Variants in SLC17A4 observed in about 807,000 individuals in gnomAD.
The protein encoded by SLC17A4 is probable small intestine urate exporter.
In SLC17A4, 33 loss-of-function variants were observed where a neutral mutation model predicts 52.5. The observed-to-expected ratio is 0.63, with a 90% CI of 0.48 to 0.84. SLC17A4 has a LOEUF of 0.84. Among genes scored for constraint, SLC17A4 ranks in the 40% least tolerant of loss-of-function variants. The pLI is 0.00. For synonymous variants in SLC17A4, 225 were observed against 216.2 expected (o/e 1.04, Z -0.36); for missense variants, 585 against 597.1 (o/e 0.98, Z 0.21).
chr6:25,771,922 C>T (rs2151446399), intron 6 of SLC17A4, among the ~76,000 whole-genome samples: 1 of 152,214 alleles, frequency 6.6e-6, no homozygotes, highest in South Asian at 2.1e-4. Context: ...CTTCATGGAG[C>T]TGTGGTTGGA....
chr6:25,766,619 G>A (rs977846072), intron 2 of SLC17A4, among the ~76,000 whole-genome samples: 1 of 152,184 alleles, frequency 6.6e-6, no homozygotes, highest in Non-Finnish European at 1.5e-5. Context: ...TGTTGACAGT[G>A]TGTGGCCTTA....
intron 1 of SLC17A4, among the ~76,000 whole-genome samples, chr6:25,759,021 A>AT (rs1273413795): frequency 2.6e-5 from 4 of 152,074 alleles, no homozygotes; most frequent in Non-Finnish European, 4.4e-5. Flanking sequence ...AGTTCAAAGA[A>AT]TTTTTTAATT....
chr6:25,778,786 TA>T (rs1763147777), intron 11 of SLC17A4, among the ~76,000 whole-genome samples: 1 of 152,176 alleles, frequency 6.6e-6, no homozygotes, highest in Non-Finnish European at 1.5e-5. Flanking sequence ...ATCACTTGCT[TA>T]AAAAGAACAC....
At chr6:25,775,808 T>G (rs894524418) in intron 8 of SLC17A4, among the ~76,000 whole-genome samples, 1 of 152,174 alleles carries the variant, frequency 6.6e-6, no homozygotes, top group Non-Finnish European at 1.5e-5. Flanking sequence ...TTTTCCCAAC[T>G]TTTAAAATAC....
chr6:25,778,069 G>A (rs1189459488), intron 11 of SLC17A4, 53 bp downstream of exon 11: 9 of 1,321,266 alleles, frequency 6.8e-6, no homozygotes. Flanking sequence ...TAGAGGCATG[G>A]TTTTTTCACA....
chr6:25,773,337 C>A lies in SLC17A4; in HGVS notation c.769C>A (p.His257Asn). Residue 257 changes from histidine to asparagine, a missense_variant, in exon 7 of 12, where the codon CAT becomes AAT. His to Asn is a moderately conservative substitution (Grantham distance 68, BLOSUM62 1). Coordinates refer to ENST00000377905, the MANE Select transcript of SLC17A4 (RefSeq NM_005495.3). ...TCTCATTTATGATGATCCTGTGAAT[C>A]ATCCCTTTATCAGTGCTGGTGAGAA... Reference protein sequence around the residue: ...FPLIYDDPVNHPFISAGEKRY... With the variant: ...FPLIYDDPVNNPFISAGEKRY... 6.2e-7 allele frequency: 1 copy of A among 1,613,974 alleles called. No individual in the cohort carries two copies.
intron 2 of SLC17A4, among the ~76,000 whole-genome samples, chr6:25,764,755 G>A (rs1246647826): frequency 6.6e-6 from 1 of 152,180 alleles, no homozygotes; most frequent in Non-Finnish European, 1.5e-5. Context: ...TGGGTGAAGC[G>A]TGCATGGGTC....
At chr6:25,758,625 T>A (rs1761231642) in intron 1 of SLC17A4, among the ~76,000 whole-genome samples, 1 of 152,248 alleles carries the variant, frequency 6.6e-6, no homozygotes, top group African/African-American at 2.4e-5. Context: ...TTCTCTGGTA[T>A]CAATTTTAAT....
At chr6:25,759,863 T>C (rs1761380415) in intron 1 of SLC17A4, among the ~76,000 whole-genome samples, 1 of 152,244 alleles carries the variant, frequency 6.6e-6, no homozygotes, top group Non-Finnish European at 1.5e-5. Context: ...AATTCTTTGA[T>C]AGCTGTATAG....
intron 10 of SLC17A4, 145 bp downstream of exon 10, chr6:25,777,104 A>G: frequency 1.1e-6 from 1 of 913,176 alleles, no homozygotes; most frequent in Non-Finnish European, 1.6e-6. Context: ...CATCTAAATA[A>G]TTCCTGGAAG....
At chr6:25,765,431 G>C (rs890544706) in intron 2 of SLC17A4, among the ~76,000 whole-genome samples, 1 of 152,238 alleles carries the variant, frequency 6.6e-6, no homozygotes, top group Non-Finnish European at 1.5e-5. Context: ...CAGGCACAAA[G>C]AGGTAGCAGC....
chr6:25,756,071 G>T (rs997813518), intron 1 of SLC17A4, among the ~76,000 whole-genome samples: 1 of 152,004 alleles, frequency 6.6e-6, no homozygotes, highest in African/African-American at 2.4e-5. Context: ...TCAGTCTCTT[G>T]GTTCTCAATC....
chr6:25,776,233 G>A (rs1350758815), intron 8 of SLC17A4, among the ~76,000 whole-genome samples: 1 of 152,042 alleles, frequency 6.6e-6, no homozygotes, highest in African/African-American at 2.4e-5. Context: ...TTCATTATGA[G>A]TAAAGTTGGA....
Position 25,776,833 on chromosome 6 carries a change from T to A in SLC17A4, c.1142T>A (p.Ile381Asn), listed in dbSNP as rs1309453053. The change falls in exon 10 of 12, where the codon ATC (isoleucine) becomes AAC (asparagine). Residue 381 changes from isoleucine (I) to asparagine (N), a missense_variant. Ile to Asn is a moderately radical substitution (Grantham distance 149). Coordinates refer to ENST00000377905, the MANE Select transcript of SLC17A4 (RefSeq NM_005495.3). Reference protein sequence around the residue: ...TAIGVLFPSVILVSLPWVRSS... With the variant: ...TAIGVLFPSVNLVSLPWVRSS... The stretch of plus-strand genomic sequence containing the variant: ...CCAGGGGTTCTCTTCCCATCCGTGA[T>A]CCTCGTGTCCCTGCCCTGGGTCAGA... 1.2e-6 allele frequency: 2 copies of A among 1,613,986 alleles called. No homozygotes were observed. The highest frequency in any genetic ancestry group is 4.5e-5 in the East Asian group (2 of 44,868).
intron 2 of SLC17A4, among the ~76,000 whole-genome samples, chr6:25,765,752 C>G (rs899359377): frequency 2.6e-5 from 4 of 152,076 alleles, no homozygotes; most frequent in African/African-American, 9.7e-5. Context: ...AAAATGAAAA[C>G]TAGTTAATTA....
Position 25,770,375 on chromosome 6 carries a change from T to TC in SLC17A4, c.532-3dup, listed in dbSNP as rs550666765. ...CTCAGATCTCCAAGAATGGAATTTTTCCCCCCAGGTTATGGTATTAACTGG... is the reference window on the plus strand; with the variant it reads ...CTCAGATCTCCAAGAATGGAATTTTTCCCCCCCAGGTTATGGTATTAACTGG... On this transcript the variant is annotated splice_polypyrimidine_tract_variant and intron_variant, in intron 4 of 11. Coordinates refer to ENST00000377905, the MANE Select transcript of SLC17A4 (RefSeq NM_005495.3). 3.1e-4 allele frequency: 495 copies of TC among 1,614,024 alleles called. 5 individuals are homozygous for TC. In the South Asian group the frequency reaches 4.6e-3, roughly 15 times the overall value.
chr6:25,778,163 A>G (rs1763092559), intron 11 of SLC17A4, 147 bp downstream of exon 11: 1 of 593,114 alleles, frequency 1.7e-6, no homozygotes, highest in South Asian at 2.3e-5. Context: ...AATTAAAGAA[A>G]CTTAAGATTC....
chr6:25,769,297 A>G (rs1255213955), intron 3 of SLC17A4, 107 bp downstream of exon 3: 2 of 1,065,472 alleles, frequency 1.9e-6, no homozygotes, highest in Non-Finnish European at 2.7e-6. Context: ...CTGAACATGT[A>G]CTATGTGCCA....
Position 25,770,384 on chromosome 6 carries a change from G to C in SLC17A4, c.532G>C (p.Val178Leu). The change falls in exon 5 of 12, where the codon GTT becomes CTT. Residue 178 changes from valine (V) to leucine (L), a missense_variant and splice_region_variant. Coordinates refer to ENST00000377905, the MANE Select transcript of SLC17A4 (RefSeq NM_005495.3). Reference sequence around the variant, plus strand: ...CCAAGAATGGAATTTTTCCCCCCAGGTTATGGTATTAACTGGTCAGTATTC... The same window carrying C: ...CCAAGAATGGAATTTTTCCCCCCAGCTTATGGTATTAACTGGTCAGTATTC... ...VLRIVQGIAQ[V>L]MVLTGQYSIW... 2.5e-6 allele frequency: 4 copies of C among 1,614,070 alleles called. No individual in the cohort carries two copies. Among genetic ancestry groups the C allele is most frequent in the Non-Finnish European group, 3.4e-6 (4 of 1,179,954 alleles).
Sources: gnomAD v4.1 joint callset for allele counts (sites outside exome capture counted in the v4.1 genomes callset) on GRCh38, gnomAD v4.1.1 for gene constraint, MANE v1.5 for transcripts, NCBI Gene and HGNC (gene_info 2026-07-23, HGNC 2026-07-21) for gene names.